Variants in AUTS2 observed in about 807,000 individuals in gnomAD.
AUTS2 encodes the protein activator of transcription and developmental regulator AUTS2.
In AUTS2, 17 loss-of-function variants were observed where a neutral mutation model predicts 112.4. The observed-to-expected ratio is 0.15, with a 90% confidence interval of 0.10 to 0.23. AUTS2 has a LOEUF of 0.23. Among genes scored for constraint, AUTS2 ranks in the 10% least tolerant of loss-of-function variants. The pLI, the probability that AUTS2 is intolerant of heterozygous loss-of-function variation, is 1.00. For missense variants in AUTS2, 1,510 were observed against 1,701.6 expected, an observed-to-expected ratio of 0.89 and a Z score of 1.98; for synonymous variants, 751 against 702.7, an observed-to-expected ratio of 1.07 and a Z score of -1.09.
chr7:69,783,989 G>T (rs1459547910), intron 1 of AUTS2, among the ~76,000 whole-genome samples: 1 of 152,146 alleles, frequency 6.6e-6, no homozygotes, highest in Non-Finnish European at 1.5e-5. Flanking sequence ...CAGGTGATTT[G>T]CTTTATTATG....
intron 4 of AUTS2, among the ~76,000 whole-genome samples, chr7:70,303,191 G>C (rs767875084): frequency 6.6e-6 from 1 of 152,058 alleles, no homozygotes. Flanking sequence ...GCTCTGTTGC[G>C]CAGGAATGGG....
chr7:70,749,788 A>T (rs1428948250), intron 6 of AUTS2, among the ~76,000 whole-genome samples: 1 of 152,254 alleles, frequency 6.6e-6, no homozygotes, highest in Non-Finnish European at 1.5e-5. Context: ...CAGAGAAGTC[A>T]TCGCCAAAGG....
At chr7:70,443,432 A>G (rs150990080) in intron 5 of AUTS2, among the ~76,000 whole-genome samples, 100 of 152,316 alleles carry the variant, frequency 6.6e-4, no homozygotes, top group African/African-American at 2.3e-3. Flanking sequence ...TTGACTATCC[A>G]GATTTTCCAA....
intron 5 of AUTS2, among the ~76,000 whole-genome samples, chr7:70,525,197 C>T (rs1463367608): frequency 1.3e-5 from 2 of 152,250 alleles, no homozygotes; most frequent in Non-Finnish European, 2.9e-5. Context: ...TTCAGCTCCT[C>T]TGCAGTTCTG....
intron 5 of AUTS2, among the ~76,000 whole-genome samples, chr7:70,452,540 C>T (rs1796577835): frequency 6.6e-6 from 1 of 152,052 alleles, no homozygotes; most frequent in South Asian, 2.1e-4. Context: ...CCTGCTGGTC[C>T]CCCACCATTG....
chr7:70,789,443 T>C lies in AUTS2; in HGVS notation c.2532-305T>C, dbSNP rs771897766. ...ACCACATGCAGCCATCTTGGCTTTC[T>C]GGAAGCTCTTCTTCTGTGCTCTTGG... On this transcript the variant is annotated intron_variant, in intron 18 of 18. Coordinates refer to ENST00000342771, the MANE Select transcript of AUTS2 (RefSeq NM_015570.4). 5.6e-4 allele frequency among the ~76,000 whole-genome samples: 86 copies of C among 152,218 alleles called. 2 individuals carry two copies. The highest frequency in any genetic ancestry group is 1.5e-4 in the Non-Finnish European group (10 of 68,040).
At chr7:70,187,638 G>A (rs904383015) in intron 4 of AUTS2, among the ~76,000 whole-genome samples, 10 of 152,070 alleles carry the variant, frequency 6.6e-5, no homozygotes, top group African/African-American at 1.9e-4. Flanking sequence ...TTATAATCAC[G>A]TGAACTTATT....
chr7:69,766,680 A>G (rs1424261956), intron 1 of AUTS2, among the ~76,000 whole-genome samples: 1 of 152,136 alleles, frequency 6.6e-6, no homozygotes, highest in Non-Finnish European at 1.5e-5. Context: ...CACCTCAGCC[A>G]CTTTCCATGG....
chr7:70,453,221 C>G (rs915706739), intron 5 of AUTS2, among the ~76,000 whole-genome samples: 2 of 152,202 alleles, frequency 1.3e-5, no homozygotes, highest in South Asian at 2.1e-4. Flanking sequence ...CATTAATTCA[C>G]TGCCAATGAA....
At chr7:70,102,246 G>C (rs552858343) in intron 2 of AUTS2, among the ~76,000 whole-genome samples, 1 of 151,168 alleles carries the variant, frequency 6.6e-6, no homozygotes, top group South Asian at 2.1e-4. Context: ...AGCCTCCCGA[G>C]TAGCTGGGAC....
intron 5 of AUTS2, among the ~76,000 whole-genome samples, chr7:70,553,806 G>A (rs550340387): frequency 4.4e-5 from 5 of 112,598 alleles, no homozygotes; most frequent in Non-Finnish European, 8.2e-5. Context: ...TTGCTCTGTC[G>A]CCCAGGCTGG....
At chr7:69,977,071 A>G (rs993663338) in intron 2 of AUTS2, among the ~76,000 whole-genome samples, 6 of 152,128 alleles carry the variant, frequency 3.9e-5, no homozygotes, top group Non-Finnish European at 5.9e-5. Context: ...TTGTGATTTT[A>G]TACTTTTATG....
intron 4 of AUTS2, among the ~76,000 whole-genome samples, chr7:70,206,055 G>C (rs1398768678): frequency 6.6e-6 from 1 of 152,160 alleles, no homozygotes; most frequent in Admixed American, 6.5e-5. Flanking sequence ...AGAAAACTGG[G>C]ATCTGTGAGG....
At chr7:70,192,270 A>T (rs1809940490) in intron 4 of AUTS2, among the ~76,000 whole-genome samples, 1 of 152,030 alleles carries the variant, frequency 6.6e-6, no homozygotes, top group Non-Finnish European at 1.5e-5. Context: ...TTATTTATTG[A>T]TTGTACTTTT....
At chr7:70,052,928 G>C (rs745673403) in intron 2 of AUTS2, among the ~76,000 whole-genome samples, 88 of 152,112 alleles carry the variant, frequency 5.8e-4, no homozygotes, top group Admixed American at 2.3e-3. Flanking sequence ...TATACAAAAA[G>C]ATGGTCAAGA....
intron 2 of AUTS2, among the ~76,000 whole-genome samples, chr7:69,950,952 T>C (rs1167506160): frequency 6.6e-6 from 1 of 151,852 alleles, no homozygotes; most frequent in Non-Finnish European, 1.5e-5. Flanking sequence ...CAGGACAACA[T>C]AGCAAGACCT....
intron 2 of AUTS2, among the ~76,000 whole-genome samples, chr7:70,038,284 A>C (rs1444307297): frequency 6.6e-6 from 1 of 152,212 alleles, no homozygotes; most frequent in Non-Finnish European, 1.5e-5. Context: ...CATTGTTTAC[A>C]AATGAAGGAG....
In AUTS2 at chr7:70,781,763, G is replaced by A. The variant is rs1563195649; in HGVS notation, c.2146+7G>A. ...ACTTTGTTCTCTGCCGCTGGTGAGT[G>A]TGGGTTTGGGTGGGGGGACAGAGCT... On this transcript the variant is annotated splice_region_variant and intron_variant, in intron 15 of 18. Transcript: ENST00000342771. The A allele has an allele frequency of 1.9e-6, 3 of 1,613,426 alleles. No homozygotes were observed. Among genetic ancestry groups the A allele is most frequent in the Non-Finnish European group, 2.5e-6 (3 of 1,179,700 alleles).
At chr7:70,028,765 A>G (rs1480900483) in intron 2 of AUTS2, among the ~76,000 whole-genome samples, 1 of 152,132 alleles carries the variant, frequency 6.6e-6, no homozygotes, top group South Asian at 2.1e-4. Context: ...TCTGATTTCA[A>G]TCTGTTACTT....
Sources: allele counts gnomAD v4.1 joint callset (sites outside exome capture counted in the v4.1 genomes callset), GRCh38; gene constraint gnomAD v4.1.1; transcripts MANE v1.5; gene names NCBI Gene and HGNC (gene_info 2026-07-23, HGNC 2026-07-21).